Variants in MAPK4 observed in about 807,000 individuals in gnomAD.
The protein encoded by MAPK4 is mitogen-activated protein kinase 4.
A neutral mutation model predicts 47.7 loss-of-function variants in MAPK4; 22 were observed. The ratio of observed to expected loss-of-function variants is 0.46; its 90% CI spans 0.33 to 0.66. The LOEUF is 0.66. Among genes scored for constraint, MAPK4 ranks in the 30% least tolerant of loss-of-function variants. The probability of loss-of-function intolerance (pLI) is 0.02; values close to 1 mark genes in which losing one functional copy is unlikely to be tolerated. For synonymous variants in MAPK4, 390 were observed against 365.7 expected (o/e 1.07, Z -0.76); for missense variants, 736 against 831.7 (o/e 0.88, Z 1.42).
chr18:50,560,079 C>G (rs2042138047), upstream of MAPK4: 1 of 148,100 alleles, frequency 6.8e-6, no homozygotes, highest in Non-Finnish European at 1.5e-5. Context: ...GGGGCCGGGG[C>G]GGGAGCCGGA....
In MAPK4 at chr18:50,731,085, GAA is replaced by G. The variant is rs1390732317; in HGVS notation, c.*1234_*1235del. On this transcript the variant is annotated 3_prime_UTR_variant, in exon 6 of 6. Coordinates refer to ENST00000400384, the MANE Select transcript of MAPK4 (RefSeq NM_002747.4). ...GGAATCCAGAAAGGTAGGAAGATATGAAAAGAGAGGTGTCAACAGCAAGGGCT... is the reference window on the plus strand; with the variant it reads ...GGAATCCAGAAAGGTAGGAAGATATGAAGAGAGGTGTCAACAGCAAGGGCT... 6.6e-6 allele frequency: 1 copy of G among 152,388 alleles called. No individual in the cohort carries two copies. Among genetic ancestry groups the G allele is most frequent in the Non-Finnish European group, 1.5e-5 (1 of 68,126 alleles). The allele number at this position is 152,388 out of a possible 1,614,324, so 9.4% of individuals were successfully genotyped here.
At chr18:50,673,293 A>G (rs560464045) in intron 2 of MAPK4, among the ~76,000 whole-genome samples, 1 of 152,206 alleles carries the variant, frequency 6.6e-6, no homozygotes, top group African/African-American at 2.4e-5. Context: ...ATAAATAAAA[A>G]ATGCCTCAAA....
At chr18:50,660,104 A>C (rs1167058364) in intron 1 of MAPK4, among the ~76,000 whole-genome samples, 1 of 152,252 alleles carries the variant, frequency 6.6e-6, no homozygotes, top group Non-Finnish European at 1.5e-5. Context: ...CCACCTAGGG[A>C]GAAAGGCAAA....
At chr18:50,673,357 C>G (rs1402863989) in intron 2 of MAPK4, among the ~76,000 whole-genome samples, 1 of 152,228 alleles carries the variant, frequency 6.6e-6, no homozygotes, top group Non-Finnish European at 1.5e-5. Context: ...CCTGGTACTC[C>G]CCTCACCATG....
intron 1 of MAPK4, among the ~76,000 whole-genome samples, chr18:50,605,460 C>T (rs1181209910): frequency 6.6e-6 from 1 of 152,174 alleles, no homozygotes; most frequent in Non-Finnish European, 1.5e-5. Context: ...GTCCTCTGCT[C>T]TAGGGCCCAA....
At chr18:50,619,912 G>A (rs1196840944) in intron 1 of MAPK4, among the ~76,000 whole-genome samples, 1 of 152,244 alleles carries the variant, frequency 6.6e-6, no homozygotes, top group Non-Finnish European at 1.5e-5. Flanking sequence ...CCACAGGGAG[G>A]CTGGCGTAAG....
rs575084595 is a variant in MAPK4 at position 50,670,881 on chromosome 18, G to A, written c.546+6377G>A. ...TTCCCAGGTTCCATCTCAAACAACA[G>A]CCCTTAGGGTGAGGCCCAGCAATCT... On this transcript the variant is annotated intron_variant, in intron 2 of 5. Transcript: ENST00000400384. 5.3e-5 allele frequency among the ~76,000 whole-genome samples: 8 copies of A among 152,212 alleles called. No homozygotes were observed. The East Asian group carries it at 1.5e-3, about 29-fold the overall frequency.
chr18:50,659,821 C>T (rs954659936), intron 1 of MAPK4, among the ~76,000 whole-genome samples: 4 of 152,208 alleles, frequency 2.6e-5, no homozygotes, highest in Non-Finnish European at 4.4e-5. Context: ...CTTTCCATCT[C>T]AGACAGTGAA....
intron 3 of MAPK4, among the ~76,000 whole-genome samples, chr18:50,717,929 T>C (rs1212035228): frequency 1.3e-5 from 2 of 152,136 alleles, no homozygotes; most frequent in East Asian, 1.9e-4. Flanking sequence ...CAGAACATAG[T>C]GCTAAGGATG....
chr18:50,564,990 A>T (rs965829219), intron 1 of MAPK4, among the ~76,000 whole-genome samples: 1 of 152,230 alleles, frequency 6.6e-6, no homozygotes, highest in Non-Finnish European at 1.5e-5. Flanking sequence ...AGGACAAGTG[A>T]TGGGCTCTGA....
intron 1 of MAPK4, among the ~76,000 whole-genome samples, chr18:50,655,660 C>G (rs1026640580): frequency 6.6e-6 from 1 of 152,080 alleles, no homozygotes; most frequent in Non-Finnish European, 1.5e-5. Context: ...GAGTGAGACC[C>G]GGCTGAGTCT....
At position 50,679,908 on chromosome 18, in the gene MAPK4, T is replaced by C. The variant is rs564372314; in HGVS notation, c.546+15404T>C. On this transcript the variant is annotated intron_variant, in intron 2 of 5. Transcript: ENST00000400384. Reference sequence around the variant, plus strand: ...CCCGTGCTCTTACGCTGTCCTCCTCTACTGTCCCTCCTCACTGGAGACTCA... The same window carrying C: ...CCCGTGCTCTTACGCTGTCCTCCTCCACTGTCCCTCCTCACTGGAGACTCA... Among the ~76,000 whole-genome samples, 21 of 152,036 alleles carry C rather than the reference T, an allele frequency of 1.4e-4. No homozygotes were observed. In the South Asian group the frequency reaches 4.4e-3, roughly 32 times the overall value.
intron 1 of MAPK4, among the ~76,000 whole-genome samples, chr18:50,636,074 GC>G (rs2042885093): frequency 6.6e-6 from 1 of 152,156 alleles, no homozygotes; most frequent in Non-Finnish European, 1.5e-5. Context: ...CAGGCTTGGG[GC>G]CTTTGCACAC....
intron 2 of MAPK4, among the ~76,000 whole-genome samples, chr18:50,692,156 G>A (rs1909253125): frequency 1.3e-5 from 2 of 152,326 alleles, no homozygotes. Context: ...CAGCTAGCAG[G>A]TAGAGGCAGT....
chr18:50,673,169 T>C (rs1413035205), intron 2 of MAPK4, among the ~76,000 whole-genome samples: 2 of 152,136 alleles, frequency 1.3e-5, no homozygotes, highest in Non-Finnish European at 2.9e-5. Context: ...CCCAGCTACT[T>C]GGGAGGCTGA....
intron 1 of MAPK4, among the ~76,000 whole-genome samples, chr18:50,654,927 G>C (rs1182255543): frequency 6.6e-6 from 1 of 152,174 alleles, no homozygotes. Flanking sequence ...AAGGAAAACA[G>C]AGCAAAGCCT....
At chr18:50,571,172 G>A (rs2042246769) in intron 1 of MAPK4, among the ~76,000 whole-genome samples, 1 of 152,134 alleles carries the variant, frequency 6.6e-6, no homozygotes, top group African/African-American at 2.4e-5. Flanking sequence ...ATACCATGGA[G>A]CCTTTTATGT....
At chr18:50,646,995 A>T (rs2042996160) in intron 1 of MAPK4, among the ~76,000 whole-genome samples, 1 of 152,078 alleles carries the variant, frequency 6.6e-6, no homozygotes, top group African/African-American at 2.4e-5. Context: ...CTGCAGTCAC[A>T]ATTTTTTGCC....
intron 2 of MAPK4, among the ~76,000 whole-genome samples, chr18:50,680,203 T>C (rs1345539459): frequency 4.3e-5 from 6 of 140,938 alleles, no homozygotes; most frequent in Non-Finnish European, 9.1e-5. Context: ...GCAATTCTCC[T>C]GCCTCAGCCT....
Sources: gnomAD v4.1 joint callset for allele counts (sites outside exome capture counted in the v4.1 genomes callset) on GRCh38, gnomAD v4.1.1 for gene constraint, MANE v1.5 for transcripts, NCBI Gene and HGNC (gene_info 2026-07-23, HGNC 2026-07-21) for gene names.